The following LOC128092252 variants were observed in gnomAD, a reference collection of about 807,000 sequenced individuals.
At chr15:50,660,529 C>A in the LOC128092252 span, among the ~76,000 whole-genome samples, 3 of 152,242 alleles carry the variant, frequency 2.0e-5, no homozygotes, top group Admixed American at 6.5e-5. Context: ...GTAGCGCATG[C>A]CTATAGTCCC....
the LOC128092252 span, chr15:50,657,847 T>A: frequency 7.5e-6 from 12 of 1,591,810 alleles, no homozygotes; most frequent in South Asian, 1.4e-4. Flanking sequence ...GTAAATAAAT[T>A]ATTTCAGGTG....
At chr15:50,684,944 TTAA>T in the LOC128092252 span, among the ~76,000 whole-genome samples, 1 of 152,252 alleles carries the variant, frequency 6.6e-6, no homozygotes, top group African/African-American at 2.4e-5. Context: ...TAAGCAATTA[TTAA>T]TTTTTAGGCA....
At chr15:50,649,193 C>A in the LOC128092252 span, among the ~76,000 whole-genome samples, 1 of 152,214 alleles carries the variant, frequency 6.6e-6, no homozygotes, top group Non-Finnish European at 1.5e-5. Flanking sequence ...AATCCCAACA[C>A]TGTGGGAGGC....
chr15:50,676,276 G>C, the LOC128092252 span, among the ~76,000 whole-genome samples: 1 of 152,084 alleles, frequency 6.6e-6, no homozygotes, highest in Non-Finnish European at 1.5e-5. Context: ...AAAAAATTCT[G>C]CTGTTAAGGT....
the LOC128092252 span, chr15:50,648,985 TTTTTATA>T: frequency 3.7e-6 from 3 of 812,766 alleles, no homozygotes; most frequent in African/African-American, 1.8e-5. Flanking sequence ...AGCTTTAAAA[TTTTTATA>T]TTTTATATAA....
the LOC128092252 span, among the ~76,000 whole-genome samples, chr15:50,679,527 TATATATATATA>T: frequency 2.8e-4 from 14 of 50,004 alleles, 2 homozygotes; most frequent in African/African-American, 6.2e-4. Context: ...TATATATATA[TATATATATATA>T]TTTTTTTTTT....
At chr15:50,667,004 A>G in the LOC128092252 span, among the ~76,000 whole-genome samples, 1 of 152,150 alleles carries the variant, frequency 6.6e-6, no homozygotes, top group Non-Finnish European at 1.5e-5. Context: ...CACAAGATCC[A>G]GGAACCTGTT....
chr15:50,665,782 G>A, the LOC128092252 span, among the ~76,000 whole-genome samples: 1 of 152,060 alleles, frequency 6.6e-6, no homozygotes, highest in Non-Finnish European at 1.5e-5. Context: ...ATCACTTGAG[G>A]TCAGGAGCTC....
the LOC128092252 span, among the ~76,000 whole-genome samples, chr15:50,654,594 T>C: frequency 2.0e-5 from 3 of 151,454 alleles, no homozygotes; most frequent in Non-Finnish European, 4.4e-5. Flanking sequence ...CATACAGGAA[T>C]AGACAGTCAT....
chr15:50,671,614 A>C, the LOC128092252 span, among the ~76,000 whole-genome samples: 1 of 150,956 alleles, frequency 6.6e-6, no homozygotes, highest in Non-Finnish European at 1.5e-5. Flanking sequence ...TTCAAGACCA[A>C]CCTGGGCAGC....
the LOC128092252 span, among the ~76,000 whole-genome samples, chr15:50,672,521 G>A: frequency 6.6e-6 from 1 of 152,214 alleles, no homozygotes; most frequent in Admixed American, 6.5e-5. Flanking sequence ...TTCTACTGAT[G>A]ATCCTGACCC....
At chr15:50,685,238 G>A in the LOC128092252 span, among the ~76,000 whole-genome samples, 1 of 152,198 alleles carries the variant, frequency 6.6e-6, no homozygotes, top group Admixed American at 6.5e-5. Context: ...TGAGGCGGGC[G>A]GATCACCTGA....
At chr15:50,682,272 A>G in the LOC128092252 span, among the ~76,000 whole-genome samples, 6 of 151,702 alleles carry the variant, frequency 4.0e-5, no homozygotes, top group Non-Finnish European at 7.4e-5. Flanking sequence ...CCACACACCA[A>G]AATTCCTTTA....
At chr15:50,655,450 A>C in the LOC128092252 span, among the ~76,000 whole-genome samples, 4 of 144,284 alleles carry the variant, frequency 2.8e-5, no homozygotes, top group East Asian at 1.9e-4. Context: ...AAAAAAAACA[A>C]AAAAACAAAA....
the LOC128092252 span, among the ~76,000 whole-genome samples, chr15:50,661,858 C>CTCTA: frequency 7.2e-5 from 11 of 152,212 alleles, no homozygotes; most frequent in South Asian, 2.3e-3. Context: ...GAAAAGTGCT[C>CTCTA]TATAGGTTAG....
chr15:50,664,269 C>T, the LOC128092252 span, among the ~76,000 whole-genome samples: 1 of 144,446 alleles, frequency 6.9e-6, no homozygotes, highest in African/African-American at 2.6e-5. Context: ...GAGATCGCGC[C>T]ACTGCACTCC....
the LOC128092252 span, among the ~76,000 whole-genome samples, chr15:50,665,422 C>T: frequency 6.6e-6 from 1 of 151,092 alleles, no homozygotes; most frequent in Non-Finnish European, 1.5e-5. Flanking sequence ...TGATCATGTG[C>T]TTGACCATAA....
chr15:50,679,538 A>ATTT, the LOC128092252 span, among the ~76,000 whole-genome samples: 41 of 43,870 alleles, frequency 9.3e-4, 2 homozygotes, highest in African/African-American at 2.4e-3. Context: ...ATATATATAT[A>ATTT]TTTTTTTTTT....
the LOC128092252 span, chr15:50,648,901 G>A: frequency 1.9e-6 from 3 of 1,568,026 alleles, no homozygotes; most frequent in Admixed American, 1.9e-5. Flanking sequence ...AGAAAAAGGT[G>A]AGATTAAAAC....
Sources: gnomAD v4.1 joint callset for allele counts (sites outside exome capture counted in the v4.1 genomes callset) on GRCh38, gnomAD v4.1.1 for gene constraint, MANE v1.5 for transcripts.